PRKACB: variants seen among roughly 807,000 people sequenced by gnomAD.
PRKACB encodes protein kinase cAMP-activated catalytic subunit beta, also known as cAMP-dependent protein kinase catalytic subunit beta.
PRKACB carries 16 observed loss-of-function variants against 51.4 expected under a neutral mutation model. That is an observed-to-expected ratio of 0.31 (90% CI 0.21 to 0.47). The LOEUF (loss-of-function observed/expected upper bound fraction) is 0.47, where lower values mean the gene tolerates loss of function less well. Among genes scored for constraint, PRKACB ranks in the 20% least tolerant of loss-of-function variants. The probability of loss-of-function intolerance (pLI) is 1.00; values close to 1 mark genes in which losing one functional copy is unlikely to be tolerated. For missense variants in PRKACB, 309 were observed against 464.5 expected (o/e 0.67, Z 3.08); for synonymous variants, 147 against 154.4 (o/e 0.95, Z 0.35).
intron 1 of PRKACB, among the ~76,000 whole-genome samples, chr1:84,133,149 A>G (rs1396522560): frequency 6.6e-6 from 1 of 152,154 alleles, no homozygotes; most frequent in African/African-American, 2.4e-5. Context: ...GGGAAAATAA[A>G]AACTTACCTA....
At chr1:84,128,246 A>C (rs1307502762) in intron 1 of PRKACB, among the ~76,000 whole-genome samples, 1 of 151,608 alleles carries the variant, frequency 6.6e-6, no homozygotes, top group East Asian at 1.9e-4. Context: ...TATGTACCTT[A>C]GCTGCAAAAA....
At chr1:84,086,230 C>G in intron 1 of PRKACB, 1 of 1,588,608 alleles carries the variant, frequency 6.3e-7, no homozygotes, top group South Asian at 1.1e-5. Context: ...AGCTGATTGG[C>G]TGACAAGCAA....
At chr1:84,234,930 G>A (rs1558365722) in intron 9 of PRKACB, among the ~76,000 whole-genome samples, 2 of 152,164 alleles carry the variant, frequency 1.3e-5, no homozygotes, top group Non-Finnish European at 2.9e-5. Context: ...CGGCCATCTT[G>A]GCTTCTCCTC....
chr1:84,232,524 C>T (rs1675884123), intron 9 of PRKACB, among the ~76,000 whole-genome samples: 1 of 151,992 alleles, frequency 6.6e-6, no homozygotes, highest in Non-Finnish European at 1.5e-5. Context: ...TTAAAGTCTC[C>T]CATTATTAAT....
rs751588561 is a variant in PRKACB at position 84,197,707 on chromosome 1, GTATTC to G, written c.688-20_688-16del. On this transcript the variant is annotated splice_polypyrimidine_tract_variant and intron_variant, in intron 6 of 9. Transcript: ENST00000370685. ...ATTGTGAGGTAATACATTTTCACTA[GTATTC>G]TTTTTTTCTTTTATAGGTCACAGAC... 2.7e-6 allele frequency: 4 copies of G among 1,502,560 alleles called. No homozygotes were observed. The South Asian group carries it at 4.7e-5, about 17-fold the overall frequency. 93.1% of individuals were successfully genotyped at this position (1,502,560 alleles called of 1,614,324 possible).
chr1:84,142,426 T>C (rs916637867), upstream of PRKACB, among the ~76,000 whole-genome samples: 40 of 151,940 alleles, frequency 2.6e-4, no homozygotes, highest in African/African-American at 9.2e-4. Flanking sequence ...CCATGCTCTG[T>C]AGATATTTGT....
intron 9 of PRKACB, among the ~76,000 whole-genome samples, chr1:84,218,119 C>A (rs1673140934): frequency 1.3e-5 from 2 of 152,110 alleles, no homozygotes; most frequent in Non-Finnish European, 2.9e-5. Flanking sequence ...ATATCCACTA[C>A]CTTGATCGTT....
In PRKACB at chr1:84,237,415, T is replaced by C. The variant is rs1276802195; in HGVS notation, c.*2110T>C. 1 of 152,556 alleles carries C rather than the reference T, an allele frequency of 6.6e-6. No homozygotes were observed. The highest frequency in any genetic ancestry group is 2.4e-5 in the African/African-American group (1 of 41,464). The allele number at this position is 152,556 out of a possible 1,614,324, so 9.5% of individuals were successfully genotyped here. ...TTAGTTTTCAGTAATCAAAAAGATT[T>C]CTATGAATTCTAAAAAATATTTTTT... On this transcript the variant is annotated 3_prime_UTR_variant, in exon 10 of 10. Coordinates refer to ENST00000370685, the MANE Select transcript of PRKACB (RefSeq NM_182948.4).
intron 1 of PRKACB, chr1:84,164,525 G>T: frequency 6.8e-7 from 1 of 1,475,436 alleles, no homozygotes. Flanking sequence ...ATAATCATGT[G>T]GCTCTAAAAT....
intron 1 of PRKACB, among the ~76,000 whole-genome samples, chr1:84,105,639 G>T (rs140753877): frequency 0.013 from 2,049 of 151,848 alleles, 51 homozygotes; most frequent in African/African-American, 0.046. Context: ...GCAGTGGTAC[G>T]ATCACAGCTC....
At chr1:84,216,050 C>G (rs534170415) in intron 9 of PRKACB, among the ~76,000 whole-genome samples, 1 of 152,026 alleles carries the variant, frequency 6.6e-6, no homozygotes, top group East Asian at 1.9e-4. Context: ...ATTACAGTAA[C>G]AAGCTGGGTG....
intron 1 of PRKACB, chr1:84,164,947 C>A: frequency 6.5e-7 from 1 of 1,536,552 alleles, no homozygotes; most frequent in Non-Finnish European, 8.8e-7. Context: ...ATTAGCATAA[C>A]TCCCTTTGCT....
intron 1 of PRKACB, among the ~76,000 whole-genome samples, chr1:84,125,525 G>A (rs1204549177): frequency 6.6e-6 from 1 of 152,160 alleles, no homozygotes; most frequent in African/African-American, 2.4e-5. Context: ...TTTCCAGGCA[G>A]TAGATGGAAT....
chr1:84,160,395 T>C (rs1489375306), intron 1 of PRKACB, among the ~76,000 whole-genome samples: 1 of 151,448 alleles, frequency 6.6e-6, no homozygotes, highest in South Asian at 2.1e-4. Context: ...AGTGGTGATA[T>C]CATAGTTTCA....
chr1:84,182,180 A>G lies in PRKACB; in HGVS notation c.250-20A>G. 6.8e-7 allele frequency: 1 copy of G among 1,465,966 alleles called. No individual in the cohort carries two copies. The highest frequency in any genetic ancestry group is 9.2e-7 in the Non-Finnish European group (1 of 1,088,960). The allele number at this position is 1,465,966 out of a possible 1,614,324, so 90.8% of individuals were successfully genotyped here. A position where few individuals can be genotyped will look rare whatever the true frequency, so the allele number is the denominator to read the frequency against. Reference sequence around the variant, plus strand: ...TGTTTTTACGAGAATTTTAAATTTTATTTATGTATTTACATATAGAATAAT... The same window carrying G: ...TGTTTTTACGAGAATTTTAAATTTTGTTTATGTATTTACATATAGAATAAT... On this transcript the variant is annotated intron_variant, in intron 2 of 9. Coordinates refer to ENST00000370685, the MANE Select transcript of PRKACB (RefSeq NM_182948.4).
At chr1:84,121,234 C>CTA (rs1651037375) in intron 1 of PRKACB, among the ~76,000 whole-genome samples, 1 of 151,714 alleles carries the variant, frequency 6.6e-6, no homozygotes, top group African/African-American at 2.4e-5. Flanking sequence ...ATTCACTTTT[C>CTA]TATATAGGAA....
At chr1:84,179,097 A>G in intron 1 of PRKACB, 80 bp from the exon 2 acceptor site, 1 of 1,409,812 alleles carries the variant, frequency 7.1e-7, no homozygotes, top group Non-Finnish European at 9.6e-7. Flanking sequence ...AAGTGAGAAA[A>G]CCATATGCAA....
intron 8 of PRKACB, among the ~76,000 whole-genome samples, chr1:84,209,528 ACTT>A (rs1295963650): frequency 6.6e-6 from 1 of 152,136 alleles, no homozygotes; most frequent in Non-Finnish European, 1.5e-5. Context: ...GAATTCAGCC[ACTT>A]CTTACCACAT....
chr1:84,151,149 C>T (rs1001657158), intron 1 of PRKACB, among the ~76,000 whole-genome samples: 1 of 152,076 alleles, frequency 6.6e-6, no homozygotes, highest in Non-Finnish European at 1.5e-5. Flanking sequence ...AGTTCCAGAC[C>T]ACCACAATAC....
Sources: gnomAD v4.1 joint callset for allele counts (sites outside exome capture counted in the v4.1 genomes callset) on GRCh38, gnomAD v4.1.1 for gene constraint, MANE v1.5 for transcripts, NCBI Gene and HGNC (gene_info 2026-07-23, HGNC 2026-07-21) for gene names.